The following BRINP3 variants were observed in gnomAD, a reference collection of about 807,000 sequenced individuals.
The protein encoded by BRINP3 is BMP/retinoic acid-inducible neural-specific protein 3.
BRINP3 carries 19 observed loss-of-function variants against 71.0 expected under a neutral mutation model. The observed-to-expected ratio is 0.27, with a 90% CI of 0.19 to 0.39. The LOEUF (loss-of-function observed/expected upper bound fraction) is 0.39, where lower values mean the gene tolerates loss of function less well. BRINP3 is among the 10% of genes least tolerant of loss of function. BRINP3 has a pLI of 1.00. For missense variants in BRINP3, 959 were observed against 940.8 expected (o/e 1.02, Z -0.25); for synonymous variants, 380 against 337.7 (o/e 1.13, Z -1.37).
intron 2 of BRINP3, among the ~76,000 whole-genome samples, chr1:190,447,614 C>CTA (rs1176773773): frequency 2.5e-4 from 37 of 148,336 alleles, no homozygotes; most frequent in African/African-American, 8.9e-4. Flanking sequence ...CTCTCTCTCT[C>CTA]TCTCTCTCTA....
intron 2 of BRINP3, among the ~76,000 whole-genome samples, chr1:190,447,365 A>T (rs1429220709): frequency 6.8e-6 from 1 of 147,132 alleles, no homozygotes; most frequent in African/African-American, 2.5e-5. Context: ...ATATATATAT[A>T]TTTGTGAATA....
chr1:190,287,389 T>C (rs145857611), intron 2 of BRINP3, among the ~76,000 whole-genome samples: 37 of 152,196 alleles, frequency 2.4e-4, no homozygotes, highest in African/African-American at 8.9e-4. Flanking sequence ...ATTGGCAAGA[T>C]AAAAAAGTCC....
chr1:190,377,705 A>C (rs893131485), intron 2 of BRINP3, among the ~76,000 whole-genome samples: 5 of 151,338 alleles, frequency 3.3e-5, no homozygotes, highest in Non-Finnish European at 5.9e-5. Context: ...CTCAAAATCA[A>C]CCCTCACAAC....
At chr1:190,391,184 C>T (rs1262832910) in intron 2 of BRINP3, among the ~76,000 whole-genome samples, 1 of 151,686 alleles carries the variant, frequency 6.6e-6, no homozygotes, top group Non-Finnish European at 1.5e-5. Flanking sequence ...AGCATGGACA[C>T]TTTGGGGCTC....
chr1:190,414,770 A>G (rs1672906592), intron 2 of BRINP3, among the ~76,000 whole-genome samples: 1 of 152,206 alleles, frequency 6.6e-6, no homozygotes, highest in African/African-American at 2.4e-5. Context: ...GGAGATTAAT[A>G]CTGGTTTGAA....
chr1:190,166,235 A>G (rs534907039), intron 6 of BRINP3, among the ~76,000 whole-genome samples: 1 of 152,334 alleles, frequency 6.6e-6, no homozygotes, highest in African/African-American at 2.4e-5. Flanking sequence ...ATGAGGCTAC[A>G]AAGTGATGGG....
intron 4 of BRINP3, among the ~76,000 whole-genome samples, chr1:190,255,207 T>G (rs1047129103): frequency 1.3e-5 from 2 of 151,970 alleles, no homozygotes; most frequent in Non-Finnish European, 2.9e-5. Context: ...ACATTGATGT[T>G]CATCAGGGAT....
intron 2 of BRINP3, chr1:190,302,587 T>C (rs932675479): frequency 6.6e-6 from 1 of 151,892 alleles, no homozygotes; most frequent in African/African-American, 2.4e-5. Flanking sequence ...TCTAACTTTG[T>C]CCAACTTAAT....
chr1:190,467,265 T>G (rs1354549652), intron 1 of BRINP3, among the ~76,000 whole-genome samples: 1 of 151,698 alleles, frequency 6.6e-6, no homozygotes, highest in African/African-American at 2.4e-5. Context: ...AGCAAAAAAC[T>G]GTAAGCATCT....
intron 2 of BRINP3, among the ~76,000 whole-genome samples, chr1:190,343,404 T>C (rs1362207965): frequency 6.6e-6 from 1 of 151,800 alleles, no homozygotes; most frequent in East Asian, 1.9e-4. Context: ...ATTTTGAATC[T>C]TGATTCTGCT....
At chr1:190,321,247 C>A (rs964166539) in intron 2 of BRINP3, among the ~76,000 whole-genome samples, 1 of 151,946 alleles carries the variant, frequency 6.6e-6, no homozygotes, top group Non-Finnish European at 1.5e-5. Context: ...CAATAGCATG[C>A]ATCAGAAATG....
At chr1:190,475,091 C>A (rs1359333030) in intron 1 of BRINP3, among the ~76,000 whole-genome samples, 5 of 152,158 alleles carry the variant, frequency 3.3e-5, no homozygotes, top group South Asian at 2.1e-4. Flanking sequence ...CTCTCCCCAC[C>A]GCCCTCCAGA....
chr1:190,267,884 T>G (rs1661791146), intron 3 of BRINP3, among the ~76,000 whole-genome samples: 1 of 152,076 alleles, frequency 6.6e-6, no homozygotes, highest in Non-Finnish European at 1.5e-5. Context: ...GCCTGAAGTT[T>G]AAATATAAAA....
intron 6 of BRINP3, among the ~76,000 whole-genome samples, chr1:190,200,268 A>G (rs1457509728): frequency 6.6e-6 from 1 of 152,128 alleles, no homozygotes; most frequent in Admixed American, 6.6e-5. Flanking sequence ...AAATTTGTGA[A>G]TTATGCCAAA....
intron 2 of BRINP3, among the ~76,000 whole-genome samples, chr1:190,284,265 T>C (rs1478039778): frequency 6.6e-6 from 1 of 152,034 alleles, no homozygotes; most frequent in African/African-American, 2.4e-5. Flanking sequence ...AAACAAATTA[T>C]GTATCTTATG....
chr1:190,143,287 T>TGG (rs1317143641), intron 7 of BRINP3, among the ~76,000 whole-genome samples: 2 of 147,754 alleles, frequency 1.4e-5, no homozygotes, highest in Non-Finnish European at 2.9e-5. Context: ...GTCCACTCAC[T>TGG]TCAGTTTGGT....
intron 7 of BRINP3, among the ~76,000 whole-genome samples, chr1:190,153,075 T>C (rs1244496787): frequency 2.6e-5 from 4 of 152,114 alleles, no homozygotes; most frequent in Non-Finnish European, 4.4e-5. Flanking sequence ...ATAGGTAGCA[T>C]AAGTGATAGG....
intron 2 of BRINP3, among the ~76,000 whole-genome samples, chr1:190,308,572 G>C (rs199604258): frequency 6.6e-6 from 1 of 151,628 alleles, no homozygotes; most frequent in Non-Finnish European, 1.5e-5. Flanking sequence ...CAGCACACCA[G>C]CATAGCACAT....
At chr1:190,102,096 C>T (rs764898038) in intron 7 of BRINP3, among the ~76,000 whole-genome samples, 1 of 152,084 alleles carries the variant, frequency 6.6e-6, no homozygotes, top group Non-Finnish European at 1.5e-5. Flanking sequence ...CCTCTAGCAC[C>T]TACCTTTTGA....
Sources: gnomAD v4.1 joint callset for allele counts (sites outside exome capture counted in the v4.1 genomes callset) on GRCh38, gnomAD v4.1.1 for gene constraint, MANE v1.5 for transcripts, NCBI Gene and HGNC (gene_info 2026-07-23, HGNC 2026-07-21) for gene names.